TMEM165: variants seen among roughly 807,000 people sequenced by gnomAD.
TMEM165 encodes transmembrane protein 165, also known as putative divalent cation/proton antiporter TMEM165.
TMEM165 carries 19 observed loss-of-function variants against 30.0 expected under a neutral mutation model. The observed-to-expected ratio is 0.63, with a 90% CI of 0.44 to 0.93. TMEM165 has a LOEUF of 0.93. Ranked by LOEUF, TMEM165 falls within the 40% of genes least tolerant of loss-of-function variation. The pLI, the probability that TMEM165 is intolerant of heterozygous loss-of-function variation, is 0.00. For synonymous variants in TMEM165, 168 were observed against 162.9 expected (o/e 1.03, Z -0.24); for missense variants, 340 against 417.0 (o/e 0.82, Z 1.61).
At chr4:55,402,992 A>G (rs567890072) in intron 1 of TMEM165, among the ~76,000 whole-genome samples, 3 of 151,210 alleles carry the variant, frequency 2.0e-5, no homozygotes, top group Admixed American at 6.6e-5. Context: ...GGGTTTCACC[A>G]TGTTAGCCAG....
chr4:55,450,020 T>C, intron 3 of TMEM165: 1 of 1,537,420 alleles, frequency 6.5e-7, no homozygotes, highest in South Asian at 1.1e-5. Context: ...TGATGAGAAA[T>C]GCTGATATAA....
In TMEM165 at chr4:55,417,883, G is replaced by C. The variant is rs2109553145; in HGVS notation, c.690G>C (p.Leu230Phe). 3 of 1,613,992 alleles carry C rather than the reference G, an allele frequency of 1.9e-6. No homozygotes were observed. Among genetic ancestry groups the C allele is most frequent in the Middle Eastern group, 1.6e-4 (1 of 6,062 alleles). ...TAACAGTACCTCAGAAAAAGTGGTT[G>C]CATTTTATTTCACCCATTTTTGTTC... Reference protein sequence around the residue: ...TSITVPQKKWLHFISPIFVQA... With the variant: ...TSITVPQKKWFHFISPIFVQA... The change falls in exon 4 of 6, where the codon TTG becomes TTC. Residue 230 changes from leucine to phenylalanine, a missense_variant. Coordinates refer to ENST00000381334, the MANE Select transcript of TMEM165 (RefSeq NM_018475.5).
At chr4:55,441,236 C>T (rs1267928477) in intron 3 of TMEM165, among the ~76,000 whole-genome samples, 2 of 152,150 alleles carry the variant, frequency 1.3e-5, no homozygotes, top group African/African-American at 2.4e-5. Context: ...CTTACCCAGC[C>T]AGACTGGCCA....
intron 1 of TMEM165, among the ~76,000 whole-genome samples, chr4:55,406,259 G>T (rs577280621): frequency 1.8e-4 from 28 of 152,330 alleles, no homozygotes; most frequent in Non-Finnish European, 3.5e-4. Flanking sequence ...AAGATGTTGG[G>T]TCAGGAAGTT....
intron 3 of TMEM165, among the ~76,000 whole-genome samples, chr4:55,449,171 T>TAA (rs5858334): frequency 6.7e-6 from 1 of 148,276 alleles, no homozygotes. Context: ...TTTCCACAAT[T>TAA]AAAAAAAAAA....
intron 3 of TMEM165, among the ~76,000 whole-genome samples, chr4:55,441,434 T>C (rs967080170): frequency 6.6e-5 from 10 of 152,190 alleles, no homozygotes; most frequent in Middle Eastern, 3.2e-3. Context: ...TGCATACATA[T>C]GGCTATCGCA....
At position 55,425,382 on chromosome 4, in the gene TMEM165, T is replaced by G; in HGVS notation, c.905T>G (p.Ile302Ser). The change falls in exon 6 of 6, where the codon ATC becomes AGC. Residue 302 changes from isoleucine (I) to serine (S), a missense_variant. Transcript: ENST00000381334. ...TTTTTTCTCTCTCTTCCAGTGACAA[T>G]CATAGGAGGCATCGTTTTTTTGGCG... is the stretch of plus-strand genomic sequence containing the variant. ...AQKISVRTVT[I>S]IGGIVFLAFA... 1 of 1,613,840 alleles carries G rather than the reference T, an allele frequency of 6.2e-7. No homozygotes were observed. Among genetic ancestry groups the G allele is most frequent in the East Asian group, 2.2e-5 (1 of 44,846 alleles).
At chr4:55,445,702 C>T (rs951520061) in intron 3 of TMEM165, among the ~76,000 whole-genome samples, 3 of 148,716 alleles carry the variant, frequency 2.0e-5, no homozygotes, top group Admixed American at 6.8e-5. Context: ...GAGCTCCTCC[C>T]ATCTCAGCCT....
chr4:55,422,960 T>C (rs1056536935), intron 4 of TMEM165, among the ~76,000 whole-genome samples: 1 of 152,146 alleles, frequency 6.6e-6, no homozygotes, highest in African/African-American at 2.4e-5. Context: ...TAATAAGAGA[T>C]GGAGTCTTGC....
intron 3 of TMEM165, chr4:55,435,467 C>G: frequency 6.2e-7 from 1 of 1,614,018 alleles, no homozygotes; most frequent in Non-Finnish European, 8.5e-7. Flanking sequence ...CCTGTGCCGG[C>G]TGAGTTGCTG....
intron 1 of TMEM165, 38 bp downstream of exon 1, chr4:55,396,434 C>T (rs1311250905): frequency 2.9e-6 from 4 of 1,379,030 alleles, no homozygotes; most frequent in Non-Finnish European, 3.7e-6. Context: ...GGCTGCAGGG[C>T]CGGCTGCGCC....
At chr4:55,452,163 T>G (rs1724516436) in intron 3 of TMEM165, 1 of 152,174 alleles carries the variant, frequency 6.6e-6, no homozygotes, top group African/African-American at 2.4e-5. Flanking sequence ...CCTTATATAA[T>G]GCATAGAATA....
intron 3 of TMEM165, chr4:55,435,428 A>C: frequency 6.2e-7 from 1 of 1,613,860 alleles, no homozygotes; most frequent in Middle Eastern, 1.7e-4. Context: ...CTGTGGTTGA[A>C]CCTTGGAAGG....
At chr4:55,405,700 T>G (rs562037087) in intron 1 of TMEM165, among the ~76,000 whole-genome samples, 24 of 152,314 alleles carry the variant, frequency 1.6e-4, no homozygotes, top group African/African-American at 5.3e-4. Flanking sequence ...AATTTTTTCC[T>G]TCTCTTATTT....
chr4:55,421,990 G>C (rs898141708), intron 4 of TMEM165, among the ~76,000 whole-genome samples: 11 of 152,222 alleles, frequency 7.2e-5, no homozygotes, highest in Admixed American at 2.6e-4. Flanking sequence ...CAGAGGACTT[G>C]GCTGTGATGG....
rs773142906 is a variant in TMEM165 at position 55,449,446 on chromosome 4, A to T, written c.409-2793A>T. ...TGCACCATCTTCTCATGAGCTGGTA[A>T]ATGCTGCCTGGGTGGAGTGCTCGTA... is the stretch of plus-strand genomic sequence containing the variant. On this transcript the variant is annotated intron_variant, in intron 3 of 3. Coordinates refer to the TMEM165 transcript ENST00000608091. The T allele has an allele frequency of 1.9e-6, 3 of 1,614,030 alleles. No homozygotes were observed. In the Admixed American group the frequency reaches 5.0e-5, roughly 27 times the overall value.
chr4:55,452,561 T>C (rs1170305290), exon 4 of TMEM165: 1 of 156,922 alleles, frequency 6.4e-6, no homozygotes, highest in African/African-American at 2.4e-5. Flanking sequence ...TATCACTAAA[T>C]TTTGGAGTAA....
intron 2 of TMEM165, among the ~76,000 whole-genome samples, chr4:55,414,100 C>G (rs1439571473): frequency 6.6e-6 from 1 of 152,044 alleles, no homozygotes; most frequent in Non-Finnish European, 1.5e-5. Context: ...AACCCCGTCT[C>G]TACTAAAAAA....
chr4:55,440,033 T>TA (rs914564363), intron 3 of TMEM165, among the ~76,000 whole-genome samples: 49 of 151,342 alleles, frequency 3.2e-4, no homozygotes, highest in African/African-American at 1.1e-3. Context: ...TTTTAATCTA[T>TA]AAAAAAAAAC....
Sources: allele counts gnomAD v4.1 joint callset (sites outside exome capture counted in the v4.1 genomes callset), GRCh38; gene constraint gnomAD v4.1.1; transcripts MANE v1.5; gene names NCBI Gene and HGNC (gene_info 2026-07-23, HGNC 2026-07-21).